SRRM4: variants seen among roughly 807,000 people sequenced by gnomAD.
SRRM4 encodes serine/arginine repetitive matrix protein 4.
In SRRM4, 33 loss-of-function variants were observed where a neutral mutation model predicts 68.9. The ratio of observed to expected loss-of-function variants is 0.48; its 90% CI spans 0.36 to 0.64. The LOEUF is 0.64. Among genes scored for constraint, SRRM4 ranks in the 30% least tolerant of loss-of-function variants. SRRM4 has a pLI of 0.00. For missense variants in SRRM4, 817 were observed against 827.1 expected (o/e 0.99, Z 0.15); for synonymous variants, 318 against 318.8 (o/e 1.00, Z 0.03).
intron 12 of SRRM4, among the ~76,000 whole-genome samples, chr12:119,155,431 C>T (rs1452398668): frequency 6.6e-6 from 1 of 152,170 alleles, no homozygotes; most frequent in Non-Finnish European, 1.5e-5. Context: ...GTGATGGGTC[C>T]CCTTCTCCAA....
At chr12:119,102,403 T>G (rs757783698) in intron 2 of SRRM4, 21 bp downstream of exon 2, 2 of 1,588,180 alleles carry the variant, frequency 1.3e-6, no homozygotes, top group East Asian at 4.5e-5. Context: ...ATGAGGACGT[T>G]CAAGTTGAAG....
chr12:118,992,828 TC>T (rs970296556), intron 1 of SRRM4, among the ~76,000 whole-genome samples: 1 of 152,062 alleles, frequency 6.6e-6, no homozygotes, highest in African/African-American at 2.4e-5. Context: ...CCATATTGCA[TC>T]AGAAAATTAG....
At chr12:119,074,076 A>G (rs976866716) in intron 1 of SRRM4, among the ~76,000 whole-genome samples, 2 of 136,956 alleles carry the variant, frequency 1.5e-5, no homozygotes, top group Non-Finnish European at 3.2e-5. Context: ...GCTGTTGCCA[A>G]TGGTGGTGGT....
At chr12:118,987,929 T>C (rs1381740268) in intron 1 of SRRM4, among the ~76,000 whole-genome samples, 1 of 152,188 alleles carries the variant, frequency 6.6e-6, no homozygotes, top group African/African-American at 2.4e-5. Flanking sequence ...CTGTACATAT[T>C]TGGGGGATAC....
intron 7 of SRRM4, among the ~76,000 whole-genome samples, chr12:119,126,081 G>T (rs7307023): frequency 1 from 130,310 of 130,342 alleles, 65,139 homozygotes; most frequent in Middle Eastern, 1. Context: ...TGGAGTGCAG[G>T]GGGGCGATCT....
At chr12:119,061,395 C>G (rs752470360) in intron 1 of SRRM4, among the ~76,000 whole-genome samples, 1 of 152,134 alleles carries the variant, frequency 6.6e-6, no homozygotes, top group Non-Finnish European at 1.5e-5. Flanking sequence ...TAGAGCCTGA[C>G]GGCGGTTCAG....
At chr12:119,026,247 A>G (rs1953547411) in intron 1 of SRRM4, among the ~76,000 whole-genome samples, 1 of 152,028 alleles carries the variant, frequency 6.6e-6, no homozygotes. Flanking sequence ...TTAAAAAAGA[A>G]ATGTGAGGTG....
intron 1 of SRRM4, among the ~76,000 whole-genome samples, chr12:119,055,052 G>T (rs1953767853): frequency 6.6e-6 from 1 of 152,098 alleles, no homozygotes. Flanking sequence ...GCTTGCATCA[G>T]ATAGACTGAA....
rs1308800600 is a variant in SRRM4 at position 119,024,439 on chromosome 12, G to T, written c.131+42426G>T. Among the ~76,000 whole-genome samples, 3 of 152,320 alleles carry T rather than the reference G, an allele frequency of 2.0e-5. No homozygotes were observed. The East Asian group carries it at 5.8e-4, about 29-fold the overall frequency. ...ACGCAGGATGGCAGAGGGAATGTGG[G>T]CTGGGTTTCAGCCCCTGCAAGCCCC... On this transcript the variant is annotated intron_variant, in intron 1 of 12. Transcript: ENST00000267260.
chr12:119,107,368 T>G (rs1426294714), intron 2 of SRRM4, among the ~76,000 whole-genome samples: 1 of 152,196 alleles, frequency 6.6e-6, no homozygotes, highest in East Asian at 1.9e-4. Context: ...CTTTTTCTAT[T>G]GATTGGAATA....
In SRRM4 at chr12:119,144,609, A is replaced by G. The variant is rs1285093683; in HGVS notation, c.772-772A>G. ...GAGAATTTATTAGAAGCCACTCAAG[A>G]GCCTTAGCTACCTTCTACAAGGGGA... is the stretch of plus-strand genomic sequence containing the variant. On this transcript the variant is annotated intron_variant, in intron 8 of 12. Transcript: ENST00000267260. The G allele has an allele frequency of 2.0e-5, 3 of 152,222 alleles. No individual in the cohort carries two copies. The East Asian group carries it at 5.8e-4, about 29-fold the overall frequency. The allele number at this position is 152,222 out of a possible 1,614,324, so 9.4% of individuals were successfully genotyped here.
intron 10 of SRRM4, among the ~76,000 whole-genome samples, chr12:119,152,121 C>T (rs750943098): frequency 2.0e-5 from 3 of 152,120 alleles, no homozygotes; most frequent in Non-Finnish European, 2.9e-5. Context: ...TCTATCCAAA[C>T]GAATCAACCC....
intron 4 of SRRM4, among the ~76,000 whole-genome samples, chr12:119,117,983 C>A (rs1308200934): frequency 6.6e-6 from 1 of 152,170 alleles, no homozygotes; most frequent in African/African-American, 2.4e-5. Flanking sequence ...ATGGCCCAAA[C>A]CAACACTTTA....
intron 1 of SRRM4, among the ~76,000 whole-genome samples, chr12:119,045,530 C>G (rs1007916498): frequency 6.8e-6 from 1 of 147,076 alleles, no homozygotes; most frequent in East Asian, 2.1e-4. Context: ...CCTGCTTCTC[C>G]GTCTTTGGTC....
intron 1 of SRRM4, among the ~76,000 whole-genome samples, chr12:119,013,879 C>G (rs1027948915): frequency 1.3e-5 from 2 of 152,054 alleles, no homozygotes; most frequent in Non-Finnish European, 2.9e-5. Context: ...TAGAAATTTC[C>G]AGAAAATGAT....
In SRRM4 at chr12:119,037,818, C is replaced by T. The variant is rs187866443; in HGVS notation, c.131+55805C>T. ...TTAGGACTTGAAATATCGGGGTTCT[C>T]ATTCTAATTCCATTGATTGCTGGAT... On this transcript the variant is annotated intron_variant, in intron 1 of 12. Transcript: ENST00000267260. 3.5e-4 allele frequency among the ~76,000 whole-genome samples: 53 copies of T among 152,304 alleles called. 1 individual carries two copies. The highest frequency in any genetic ancestry group is 3.2e-3 in the Admixed American group (49 of 15,306).
At chr12:119,110,824 C>T (rs562721508) in intron 2 of SRRM4, among the ~76,000 whole-genome samples, 10 of 152,322 alleles carry the variant, frequency 6.6e-5, no homozygotes, top group African/African-American at 2.4e-4. Context: ...GTGGGCTGCA[C>T]CCACTGTCCG....
In SRRM4 at chr12:119,130,828, G is replaced by C; in HGVS notation, c.765G>C (p.Arg255Ser). ...PLQMLGYLSA[R>S]GVITGSGSAA... ...AGATGCTTGGCTACCTGTCAGCCAG[G>C]GGTGTAGTAAGTATTCTTCACAGCC... Residue 255 changes from arginine to serine, a missense_variant, in exon 8 of 13, where the codon AGG becomes AGC. Transcript: ENST00000267260. The C allele has an allele frequency of 6.2e-7, 1 of 1,603,846 alleles. No individual in the cohort carries two copies. The highest frequency in any genetic ancestry group is 8.5e-7 in the Non-Finnish European group (1 of 1,179,478).
intron 2 of SRRM4, among the ~76,000 whole-genome samples, chr12:119,106,971 T>C (rs1283551625): frequency 6.6e-6 from 1 of 152,228 alleles, no homozygotes; most frequent in Non-Finnish European, 1.5e-5. Flanking sequence ...CTCATTATTT[T>C]GAGATATGTC....
Sources: allele counts gnomAD v4.1 joint callset (sites outside exome capture counted in the v4.1 genomes callset), GRCh38; gene constraint gnomAD v4.1.1; transcripts MANE v1.5; gene names NCBI Gene and HGNC (gene_info 2026-07-23, HGNC 2026-07-21).